SNX21: variants seen among roughly 807,000 people sequenced by gnomAD.
SNX21 encodes the protein sorting nexin family member 21, also known as sorting nexin-21.
In SNX21, 36 loss-of-function variants were observed where a neutral mutation model predicts 30.9. That is an observed-to-expected ratio of 1.16 (90% CI 0.89 to 1.54). The LOEUF is 1.54. Among genes scored for constraint, SNX21 ranks in the 40% most tolerant of loss-of-function variants. The probability of loss-of-function intolerance (pLI) is 0.00; values close to 1 mark genes in which losing one functional copy is unlikely to be tolerated. For missense variants in SNX21, 508 were observed against 516.5 expected, an observed-to-expected ratio of 0.98 and a Z score of 0.16; for synonymous variants, 218 against 222.7, an observed-to-expected ratio of 0.98 and a Z score of 0.19.
intron 3 of SNX21, among the ~76,000 whole-genome samples, chr20:45,837,695 G>A (rs375576765): frequency 6.6e-6 from 1 of 151,880 alleles, no homozygotes; most frequent in Admixed American, 6.6e-5. Flanking sequence ...CCTGATTCTT[G>A]TCCTATCTAA....
rs569241080 is a variant in SNX21 at position 45,842,533 on chromosome 20, T to C, written c.*1220T>C. The C allele has an allele frequency of 2.0e-6, 2 of 1,008,534 alleles. No homozygotes were observed. The highest frequency in any genetic ancestry group is 1.0e-4 in the East Asian group (1 of 9,588). 62.5% of individuals were successfully genotyped at this position (1,008,534 alleles called of 1,614,324 possible). On this transcript the variant is annotated 3_prime_UTR_variant, in exon 4 of 4. Coordinates refer to ENST00000491381, the MANE Select transcript of SNX21 (RefSeq NM_033421.4). ...GAAGAAAGGACTCAGAAGAGAGGAC[T>C]TGAGGCCATGAGGTCTGGCCTCTTC... is the stretch of plus-strand genomic sequence containing the variant.
rs1316692236 is a variant in SNX21, at chr20:45,842,645, A to G, written c.*1332A>G. 1.0e-6 allele frequency: 1 copy of G among 991,548 alleles called. No homozygotes were observed. Among genetic ancestry groups the G allele is most frequent in the Non-Finnish European group, 1.2e-6 (1 of 833,696 alleles). 61.4% of individuals were successfully genotyped at this position (991,548 alleles called of 1,614,324 possible). On this transcript the variant is annotated 3_prime_UTR_variant, in exon 4 of 4. Transcript: ENST00000491381. ...GGATGATTGCTGGTTTCCCTTACAC[A>G]TAGCAGAGCTCACTCAGTTCTCACA...
At chr20:45,834,792 G>A in intron 2 of SNX21, 167 bp from the exon 3 acceptor site, 1 of 871,566 alleles carries the variant, frequency 1.1e-6, no homozygotes, top group Admixed American at 2.5e-5. Context: ...CCTACTGTCT[G>A]CCAGGCACGG....
chr20:45,840,591 G>A (rs551407076), intron 3 of SNX21, 48 bp from the exon 4 acceptor site: 4 of 1,614,004 alleles, frequency 2.5e-6, no homozygotes, highest in Non-Finnish European at 2.5e-6. Flanking sequence ...GGGAGGGAAC[G>A]GGCCCGTGGA....
At chr20:45,834,888 T>TG (rs1295751513) in intron 2 of SNX21, 71 bp from the exon 3 acceptor site, 81 of 1,542,580 alleles carry the variant, frequency 5.3e-5, no homozygotes, top group Middle Eastern at 2.1e-4. Context: ...GGAGGATGAG[T>TG]GAGGCCACGT....
chr20:45,839,554 C>CA (rs1353770981), intron 3 of SNX21, among the ~76,000 whole-genome samples: 79 of 151,670 alleles, frequency 5.2e-4, no homozygotes, highest in Admixed American at 1.3e-3. Context: ...AAAACCCCAA[C>CA]AAAACCAAAC....
intron 1 of SNX21, 84 bp from the exon 2 acceptor site, chr20:45,834,117 C>T (rs867510802): frequency 7.1e-7 from 1 of 1,415,400 alleles, no homozygotes; most frequent in Middle Eastern, 2.5e-4. Context: ...CTCTCCGGTT[C>T]GGGCCCCGCC....
chr20:45,839,733 C>CA (rs879266988), intron 3 of SNX21, among the ~76,000 whole-genome samples: 111 of 114,984 alleles, frequency 9.7e-4, no homozygotes, highest in East Asian at 2.8e-3. Context: ...CATCTCCATA[C>CA]AAAAAAAAAA....
intron 3 of SNX21, among the ~76,000 whole-genome samples, chr20:45,838,894 CTTT>C (rs71181867): frequency 3.6e-5 from 5 of 139,872 alleles, no homozygotes; most frequent in Non-Finnish European, 3.1e-5. Flanking sequence ...TAGAGAAGTA[CTTT>C]TTTTTTTTTT....
In SNX21 at chr20:45,840,830, C is replaced by G; in HGVS notation, c.639C>G (p.Ser213Arg). 6.2e-7 allele frequency: 1 copy of G among 1,613,978 alleles called. No individual in the cohort carries two copies. Among genetic ancestry groups the G allele is most frequent in the Non-Finnish European group, 8.5e-7 (1 of 1,180,046 alleles). The stretch of plus-strand genomic sequence containing the variant: ...CTGCAGAGACCATTGCCCGCCGTAG[C>G]CGGGCCTTTGAGCAGTTTTTGGGTC... Reference protein sequence around the residue: ...NFTAETIARRSRAFEQFLGHL... With the variant: ...NFTAETIARRRRAFEQFLGHL... Residue 213 changes from serine (S) to arginine (R), a missense_variant, in exon 4 of 4, where the codon AGC becomes AGG. By Grantham distance (110) the Ser-to-Arg change is moderately radical. Transcript: ENST00000491381.
At chr20:45,838,520 G>A (rs1405759345) in intron 3 of SNX21, among the ~76,000 whole-genome samples, 1 of 151,370 alleles carries the variant, frequency 6.6e-6, no homozygotes, top group African/African-American at 2.4e-5. Flanking sequence ...TTGGGAGGCT[G>A]AGGTGGGCAG....
rs533001979 is a variant in SNX21 at position 45,840,917 on chromosome 20, G to A, written c.726G>A (p.Pro242=). 79 of 1,612,482 alleles carry A rather than the reference G, an allele frequency of 4.9e-5. No homozygotes were observed. The African/African-American group carries it at 7.9e-4, about 16-fold the overall frequency. ...APDLQDFFVL[P]ELRRAQSLTC... ...ACCTGCAGGACTTCTTCGTGCTGCC[G>A]GAGCTGCGGCGGGCACAGAGCCTCA... Residue 242 remains proline (P), a synonymous_variant, in exon 4 of 4, where the codon CCG becomes CCA. Transcript: ENST00000491381.
Position 45,834,248 on chromosome 20 carries a change from C to G in SNX21, c.69C>G (p.Ala23=). The G allele has an allele frequency of 1.3e-6, 2 of 1,573,030 alleles. No individual in the cohort carries two copies. The highest frequency in any genetic ancestry group is 1.7e-6 in the Non-Finnish European group (2 of 1,166,840). Residue 23 remains alanine (A), a synonymous_variant, in exon 2 of 4, where the codon GCC becomes GCG. Coordinates refer to ENST00000491381, the MANE Select transcript of SNX21 (RefSeq NM_033421.4). ...TGCACCGGCTGCGGCACGCCTTGGC[C>G]GGCGACGGCCCCGGGGAGGCGGCGG... is the stretch of plus-strand genomic sequence containing the variant. The part of the protein sequence containing the change: ...RLLHRLRHAL[A]GDGPGEAAAS...
Position 45,834,451 on chromosome 20 carries a change from C to A in SNX21, c.272C>A (p.Thr91Lys). 6.2e-7 allele frequency: 1 copy of A among 1,604,708 alleles called. No homozygotes were observed. The highest frequency in any genetic ancestry group is 8.5e-7 in the Non-Finnish European group (1 of 1,179,074). Residue 91 changes from threonine (T) to lysine (K), a missense_variant, in exon 2 of 4, where the codon ACG becomes AAG. Coordinates refer to ENST00000491381, the MANE Select transcript of SNX21 (RefSeq NM_033421.4). ...GACCAGCTGCCCCTCGGGGATGGGACGTCAGGAGAAGACGCAGGCGAGTGC... is the reference window on the plus strand; with the variant it reads ...GACCAGCTGCCCCTCGGGGATGGGAAGTCAGGAGAAGACGCAGGCGAGTGC... ...GPDQLPLGDG[T>K]SGEDAERSPP...
chr20:45,834,406 A>C lies in SNX21; in HGVS notation c.227A>C (p.Asp76Ala). ...GACGACGAGGACGACGAGGACGAGG[A>C]CGACGAGGAGGCTGGCCCTGACCAG... The part of the protein sequence containing the change: ...AEDDEDDEDE[D>A]DEEAGPDQLP... The change falls in exon 2 of 4, where the codon GAC (aspartate) becomes GCC (alanine). Residue 76 changes from aspartate (D) to alanine (A), a missense_variant. Transcript: ENST00000491381. 1.2e-6 allele frequency: 2 copies of C among 1,603,378 alleles called. No homozygotes were observed. The highest frequency in any genetic ancestry group is 1.7e-6 in the Non-Finnish European group (2 of 1,176,126).
In SNX21 at chr20:45,842,745, G is replaced by C; in HGVS notation, c.*1432G>C. 1.0e-6 allele frequency: 1 copy of C among 989,218 alleles called. No individual in the cohort carries two copies. Among genetic ancestry groups the C allele is most frequent in the Non-Finnish European group, 1.2e-6 (1 of 832,336 alleles). 61.3% of individuals were successfully genotyped at this position (989,218 alleles called of 1,614,324 possible). A position where few individuals can be genotyped will look rare whatever the true frequency, so the allele number is the denominator to read the frequency against. On this transcript the variant is annotated 3_prime_UTR_variant, in exon 4 of 4. Coordinates refer to ENST00000491381, the MANE Select transcript of SNX21 (RefSeq NM_033421.4). ...GAAATCCAGAGAGGGTCAGGAATTT[G>C]GCCCCATGATGAAGCCAAATCTGAA...
rs755473458 is a variant in SNX21, at chr20:45,841,871, T to C, written c.*558T>C. The C allele has an allele frequency of 6.2e-7, 1 of 1,608,776 alleles. No individual in the cohort carries two copies. Among genetic ancestry groups the C allele is most frequent in the East Asian group, 2.2e-5 (1 of 44,806 alleles). ...TGCTCTCTGAGACCTGGGGCTTCAC[T>C]CGGATCACGCCCTCCTGGGCACAGG... On this transcript the variant is annotated 3_prime_UTR_variant, in exon 4 of 4. Coordinates refer to ENST00000491381, the MANE Select transcript of SNX21 (RefSeq NM_033421.4).
At chr20:45,839,135 C>T (rs1983790180) in intron 3 of SNX21, among the ~76,000 whole-genome samples, 2 of 152,112 alleles carry the variant, frequency 1.3e-5, no homozygotes, top group Non-Finnish European at 2.9e-5. Flanking sequence ...TCAGGTGATC[C>T]ACCTGCCTCA....
At chr20:45,834,884 T>G (rs1361288701) in intron 2 of SNX21, 75 bp from the exon 3 acceptor site, 1 of 1,524,976 alleles carries the variant, frequency 6.6e-7, no homozygotes, top group Admixed American at 1.9e-5. Context: ...ACTGGGAGGA[T>G]GAGTGAGGCC....
Sources: gnomAD v4.1 joint callset for allele counts (sites outside exome capture counted in the v4.1 genomes callset) on GRCh38, gnomAD v4.1.1 for gene constraint, MANE v1.5 for transcripts, NCBI Gene and HGNC (gene_info 2026-07-23, HGNC 2026-07-21) for gene names.